Variants in EXOSC4 observed in about 807,000 individuals in gnomAD.
EXOSC4 encodes exosome component 4.
EXOSC4 carries 14 observed loss-of-function variants against 20.0 expected under a neutral mutation model. That is an observed-to-expected ratio of 0.70 (90% CI 0.46 to 1.09). The LOEUF is 1.09. EXOSC4 is among the 50% of genes least tolerant of loss of function. The pLI, the probability that EXOSC4 is intolerant of heterozygous loss-of-function variation, is 0.00. For missense variants in EXOSC4, 337 were observed against 334.0 expected (o/e 1.01, Z -0.07); for synonymous variants, 148 against 146.4 (o/e 1.01, Z -0.08).
At chr8:144,072,110 G>C in the EXOSC4 span, among the ~76,000 whole-genome samples, 1 of 152,228 alleles carries the variant, frequency 6.6e-6, no homozygotes, top group Non-Finnish European at 1.5e-5. Context: ...ACCTGGGTAT[G>C]TGTCATTTCC....
the EXOSC4 span, among the ~76,000 whole-genome samples, chr8:144,065,168 C>T: frequency 6.6e-6 from 1 of 152,168 alleles, no homozygotes; most frequent in Non-Finnish European, 1.5e-5. Context: ...TAAAGGGACA[C>T]TTCTGCACAG....
At position 144,079,999 on chromosome 8, in the gene EXOSC4, T is replaced by C. The variant is rs1158848080; in HGVS notation, c.228T>C (p.Tyr76=). 2 of 1,613,912 alleles carry C rather than the reference T, an allele frequency of 1.2e-6. No homozygotes were observed. The highest frequency in any genetic ancestry group is 8.5e-7 in the Non-Finnish European group (1 of 1,180,028). ...ACAGGGCCCTAGTGAACTGTCAATA[T>C]AGTTCAGCGACCTTCAGCACAGGTG... ...LPDRALVNCQ[Y]SSATFSTGER... is the part of the protein sequence containing the mutation. Residue 76 remains tyrosine (Y), a synonymous_variant, in exon 2 of 3, where the codon TAT becomes TAC. Transcript: ENST00000316052.
the EXOSC4 span, among the ~76,000 whole-genome samples, chr8:144,068,114 C>G: frequency 6.6e-6 from 1 of 152,198 alleles, no homozygotes; most frequent in Non-Finnish European, 1.5e-5. Flanking sequence ...ATAATGCCAC[C>G]ATTTTTTGAA....
upstream of EXOSC4, among the ~76,000 whole-genome samples, chr8:144,074,044 T>C (rs1554762453): frequency 6.6e-6 from 1 of 152,122 alleles, no homozygotes; most frequent in African/African-American, 2.4e-5. Flanking sequence ...GGATACGGCC[T>C]GTGCTGCTGT....
intron 1 of EXOSC4, 146 bp from the exon 2 acceptor site, chr8:144,079,797 A>C: frequency 1.2e-6 from 1 of 823,876 alleles, no homozygotes; most frequent in Non-Finnish European, 2.1e-6. Flanking sequence ...CAAGACAGAG[A>C]GCGCAAAACA....
chr8:144,071,839 G>T, the EXOSC4 span, among the ~76,000 whole-genome samples: 1 of 151,972 alleles, frequency 6.6e-6, no homozygotes, highest in Admixed American at 6.6e-5. Context: ...AATTATCTGG[G>T]GGTGGTGGCA....
rs782360735 is a variant in EXOSC4 at position 144,080,311 on chromosome 8, G to A, written c.448G>A (p.Gly150Arg). ...NAATLAVLDA[G>R]IPMRDFVCAC... Reference sequence around the variant, plus strand: ...AGCCACGCTGGCAGTGCTGGATGCCGGGATACCCATGAGAGACTTTGTGTG... The same window carrying A: ...AGCCACGCTGGCAGTGCTGGATGCCAGGATACCCATGAGAGACTTTGTGTG... The change falls in exon 3 of 3, where the codon GGG (glycine) becomes AGG (arginine). Residue 150 changes from glycine to arginine, a missense_variant. Gly to Arg is a moderately radical substitution (Grantham distance 125). Coordinates refer to ENST00000316052, the MANE Select transcript of EXOSC4 (RefSeq NM_019037.3). This position sits in a 1 kb window ranked among gnomAD's most constrained non-coding sequence, Gnocchi z 4.9. The A allele has an allele frequency of 3.7e-6, 6 of 1,613,610 alleles. No individual in the cohort carries two copies. In the South Asian group the frequency reaches 5.5e-5, roughly 15 times the overall value.
the EXOSC4 span, among the ~76,000 whole-genome samples, chr8:144,072,821 C>T: frequency 6.6e-6 from 1 of 152,228 alleles, no homozygotes; most frequent in African/African-American, 2.4e-5. Flanking sequence ...GAATCCATAT[C>T]TTGCCTACTG....
At chr8:144,074,672 G>C (rs1240981441), upstream of EXOSC4, among the ~76,000 whole-genome samples, 2 of 152,118 alleles carry the variant, frequency 1.3e-5, no homozygotes, top group Non-Finnish European at 2.9e-5. Context: ...CTCGGCTCAG[G>C]CCACCCTCCC....
upstream of EXOSC4, among the ~76,000 whole-genome samples, chr8:144,074,295 G>C (rs1420270925): frequency 6.6e-6 from 1 of 152,234 alleles, no homozygotes; most frequent in African/African-American, 2.4e-5. Flanking sequence ...TAGAGCTGGA[G>C]GGGGTGTTGT....
At chr8:144,071,488 G>GT in the EXOSC4 span, among the ~76,000 whole-genome samples, 1 of 147,986 alleles carries the variant, frequency 6.8e-6, no homozygotes, top group East Asian at 2.1e-4. Flanking sequence ...TGTATTTTTA[G>GT]TACAGACAGG....
At position 144,080,518 on chromosome 8, in the gene EXOSC4, C is replaced by T; in HGVS notation, c.655C>T (p.Gln219Ter). The change falls in exon 3 of 3, where the codon CAG (glutamine) becomes TAG (stop). Residue 219 changes from glutamine (Q) to a stop codon, truncating the protein, a stop_gained. Coordinates refer to ENST00000316052, the MANE Select transcript of EXOSC4 (RefSeq NM_019037.3). LOFTEE classifies it high-confidence loss of function. The surrounding 1 kb of genome is among the most constrained non-coding windows in gnomAD (Gnocchi z 4.9). ...HLERVLEAAA[Q>*]AARDVHTLLD... Reference sequence around the variant, plus strand: ...GGAGCGGGTGTTGGAGGCTGCTGCCCAGGCTGCCCGAGATGTGCACACCCT... The same window carrying T: ...GGAGCGGGTGTTGGAGGCTGCTGCCTAGGCTGCCCGAGATGTGCACACCCT... The T allele has an allele frequency of 6.2e-7, 1 of 1,604,294 alleles. No homozygotes were observed. The highest frequency in any genetic ancestry group is 8.5e-7 in the Non-Finnish European group (1 of 1,179,984).
chr8:144,071,823 CA>C, the EXOSC4 span, among the ~76,000 whole-genome samples: 6 of 151,650 alleles, frequency 4.0e-5, no homozygotes, highest in South Asian at 4.2e-4. Flanking sequence ...CAAAAAAACA[CA>C]AAAAAATTAT....
At chr8:144,065,974 CTAGT>C in the EXOSC4 span, among the ~76,000 whole-genome samples, 1 of 145,052 alleles carries the variant, frequency 6.9e-6, no homozygotes, top group Admixed American at 6.8e-5. Context: ...CCATGCCTGG[CTAGT>C]TTTTTTGTTT....
At chr8:144,078,527 A>C, upstream of EXOSC4, 1 of 470,540 alleles carries the variant, frequency 2.1e-6, no homozygotes, top group Non-Finnish European at 3.5e-6. The surrounding 1 kb of genome is among the most constrained non-coding windows in gnomAD (Gnocchi z 4.7). Flanking sequence ...ACTCCAGTTC[A>C]CCAGGACAGG....
chr8:144,076,265 G>A (rs886634633), upstream of EXOSC4, among the ~76,000 whole-genome samples: 1 of 152,108 alleles, frequency 6.6e-6, no homozygotes, highest in African/African-American at 2.4e-5. Flanking sequence ...GCCAGCTCAC[G>A]CCTGATTTCC....
chr8:144,078,520 C>G, upstream of EXOSC4: 1 of 448,978 alleles, frequency 2.2e-6, no homozygotes, highest in African/African-American at 2.0e-5. This position sits in a 1 kb window ranked among gnomAD's most constrained non-coding sequence, Gnocchi z 4.7. Flanking sequence ...GCGGTGAACT[C>G]CAGTTCACCA....
At chr8:144,065,443 T>G in the EXOSC4 span, among the ~76,000 whole-genome samples, 8 of 151,956 alleles carry the variant, frequency 5.3e-5, no homozygotes, top group Non-Finnish European at 1.2e-4. Flanking sequence ...ACAATTTAAT[T>G]CTCGGCCGGG....
At chr8:144,072,083 T>C in the EXOSC4 span, among the ~76,000 whole-genome samples, 3 of 152,232 alleles carry the variant, frequency 2.0e-5, no homozygotes, top group African/African-American at 7.2e-5. Context: ...GTATTTAGGG[T>C]ATTTACGACA....
Sources: gnomAD v4.1 joint callset for allele counts (sites outside exome capture counted in the v4.1 genomes callset) on GRCh38, gnomAD v4.1.1 for gene constraint, Gnocchi (gnomAD v3.1) non-coding constraint, MANE v1.5 for transcripts, NCBI Gene and HGNC (gene_info 2026-07-23, HGNC 2026-07-21) for gene names.